PCDHGB1: variants seen among roughly 807,000 people sequenced by gnomAD.
PCDHGB1 encodes protocadherin gamma-B1.
Under a neutral mutation model 56.6 loss-of-function variants are expected in PCDHGB1, and 34 were observed. That is an observed-to-expected ratio of 0.60 (90% CI 0.46 to 0.80). The LOEUF is 0.80. Ranked by LOEUF, PCDHGB1 falls within the 30% of genes least tolerant of loss-of-function variation. PCDHGB1 has a pLI of 0.00. For synonymous variants in PCDHGB1, 561 were observed against 505.9 expected, an observed-to-expected ratio of 1.11 and a Z score of -1.46; for missense variants, 1,278 against 1,204.6, an observed-to-expected ratio of 1.06 and a Z score of -0.90.
chr5:141,495,469 C>G (rs1398171981), intron 2 of PCDHGB1, among the ~76,000 whole-genome samples: 1 of 152,220 alleles, frequency 6.6e-6, no homozygotes, highest in Non-Finnish European at 1.5e-5. Flanking sequence ...TGTGGGGTCT[C>G]CGTGTCTCTG....
intron 3 of PCDHGB1, among the ~76,000 whole-genome samples, chr5:141,510,373 T>TC (rs112437269): frequency 0.25 from 37,727 of 151,394 alleles, 4,765 homozygotes; most frequent in Admixed American, 0.33. Context: ...GAATCTCTAC[T>TC]CGTGCCAGGC....
At chr5:141,367,576 C>T (rs1435052087) in intron 1 of PCDHGB1, 1 of 138,304 alleles carries the variant, frequency 7.2e-6, no homozygotes, top group African/African-American at 2.7e-5. Context: ...AAATAAATAT[C>T]AGAAAAGTAG....
chr5:141,377,926 T>C (rs1194396438), intron 1 of PCDHGB1: 1 of 152,186 alleles, frequency 6.6e-6, no homozygotes, highest in Non-Finnish European at 1.5e-5. Flanking sequence ...AATCCACCTG[T>C]AACTGCTGCT....
At chr5:141,404,023 A>G in intron 1 of PCDHGB1, 1 of 1,613,874 alleles carries the variant, frequency 6.2e-7, no homozygotes, top group South Asian at 1.1e-5. Context: ...GCCCAGTGAG[A>G]GAAGACGCAC....
At chr5:141,400,154 T>G in intron 1 of PCDHGB1, 1 of 1,614,076 alleles carries the variant, frequency 6.2e-7, no homozygotes, top group Non-Finnish European at 8.5e-7. Context: ...GACCGCCCTG[T>G]ACCCTCTGAC....
intron 1 of PCDHGB1, chr5:141,413,855 C>A: frequency 3.7e-6 from 6 of 1,613,324 alleles, no homozygotes; most frequent in Non-Finnish European, 5.1e-6. Flanking sequence ...CCTCTCCGAT[C>A]TGGCACTGTC....
At chr5:141,357,135 C>T in intron 1 of PCDHGB1, 2 of 1,613,502 alleles carry the variant, frequency 1.2e-6, no homozygotes. Flanking sequence ...TTGTAGTGGT[C>T]GTCCAGGACC....
At position 141,486,478 on chromosome 5, in the gene PCDHGB1, C is replaced by T; in HGVS notation, c.2410-8329C>T. The T allele has an allele frequency of 2.5e-6, 4 of 1,614,026 alleles. No homozygotes were observed. The highest frequency in any genetic ancestry group is 3.4e-6 in the Non-Finnish European group (4 of 1,179,854). On this transcript the variant is annotated intron_variant, in intron 1 of 3. Transcript: ENST00000523390. The surrounding 1 kb of genome is among the most constrained non-coding windows in gnomAD (Gnocchi z 5.0). ...CTTCTGATGCTGGGAACCCTCCTCT[C>T]AGTACCCACAGAACTATTTTCCTCA...
Position 141,491,215 on chromosome 5 carries a change from A to G in PCDHGB1, c.2410-3592A>G, listed in dbSNP as rs546893944. 2.5e-6 allele frequency: 4 copies of G among 1,614,196 alleles called. No individual in the cohort carries two copies. Among genetic ancestry groups the G allele is most frequent in the Non-Finnish European group, 3.4e-6 (4 of 1,180,036 alleles). On this transcript the variant is annotated intron_variant, in intron 1 of 3. Coordinates refer to ENST00000523390, the MANE Select transcript of PCDHGB1 (RefSeq NM_018922.3). This position sits in a 1 kb window ranked among gnomAD's most constrained non-coding sequence, Gnocchi z 6.9. ...CAATGGTGACCCTTCACTCTCCTCC[A>G]CAGCCACAGTGCTGCTGGTTCTGGA...
chr5:141,500,182 A>ATTTT lies in PCDHGB1; in HGVS notation c.2469-5209_2469-5206dup, dbSNP rs1199992745. Among the ~76,000 whole-genome samples the ATTTT allele has an allele frequency of 1.7e-3, 223 of 131,716 alleles. 2 individuals are homozygous for ATTTT. Among genetic ancestry groups the ATTTT allele is most frequent in the African/African-American group, 6.2e-3 (201 of 32,350 alleles). The allele number at this position is 131,716 out of a possible 152,430, so 86.4% of individuals were successfully genotyped here. On this transcript the variant is annotated intron_variant, in intron 2 of 3. Transcript: ENST00000523390. ...AAGAACATGCATGAGCTTCATTTTT[A>ATTTT]TTTTTATTTATTTATTTATTTATTT...
At chr5:141,482,074 A>G (rs1349748840) in intron 1 of PCDHGB1, among the ~76,000 whole-genome samples, 2 of 142,830 alleles carry the variant, frequency 1.4e-5, no homozygotes, top group Non-Finnish European at 3.0e-5. Context: ...AACAAGAACA[A>G]AACTCACTCC....
rs2099725414 is a variant in PCDHGB1, at chr5:141,491,703, GA to G, written c.2410-3103del. On this transcript the variant is annotated intron_variant, in intron 1 of 3. Coordinates refer to ENST00000523390, the MANE Select transcript of PCDHGB1 (RefSeq NM_018922.3). The surrounding 1 kb of genome is among the most constrained non-coding windows in gnomAD (Gnocchi z 6.9). ...ATACGCTGCGGGAGCGGAGCCAGGT[GA>G]GGGGCTCGGCGCCGCCCCGGGCGAC... is the stretch of plus-strand genomic sequence containing the variant. The G allele has an allele frequency of 3.7e-6, 6 of 1,611,396 alleles. No homozygotes were observed.
chr5:141,393,481 C>T, intron 1 of PCDHGB1: 1 of 1,614,066 alleles, frequency 6.2e-7, no homozygotes. Context: ...CCGCCTCGCT[C>T]TAGCACAGTG....
At position 141,351,956 on chromosome 5, in the gene PCDHGB1, G is replaced by T. The variant is rs970182422; in HGVS notation, c.1696G>T (p.Asp566Tyr). 10 of 1,612,876 alleles carry T rather than the reference G, an allele frequency of 6.2e-6. No homozygotes were observed. The East Asian group carries it at 2.0e-4, about 32-fold the overall frequency. Reference sequence around the variant, plus strand: ...GGTGCTGTACCCCGCGCTGGGGCCTGATGGCTCCGCCCTCTTCGATATGGT... The same window carrying T: ...GGTGCTGTACCCCGCGCTGGGGCCTTATGGCTCCGCCCTCTTCGATATGGT... ...PRVLYPALGPDGSALFDMVPR... is the reference protein window; with the variant it reads ...PRVLYPALGPYGSALFDMVPR... Residue 566 changes from aspartate to tyrosine, a missense_variant, in exon 1 of 4, where the codon GAT (aspartate) becomes TAT (tyrosine). Asp to Tyr is a radical substitution (Grantham distance 160). Coordinates refer to ENST00000523390, the MANE Select transcript of PCDHGB1 (RefSeq NM_018922.3).
chr5:141,506,294 C>T (rs1165174121), intron 3 of PCDHGB1, among the ~76,000 whole-genome samples: 1 of 151,888 alleles, frequency 6.6e-6, no homozygotes, highest in African/African-American at 2.4e-5. Context: ...ACTAAAAATA[C>T]AAAAATTAGC....
chr5:141,355,667 A>T, intron 1 of PCDHGB1: 1 of 1,614,018 alleles, frequency 6.2e-7, no homozygotes, highest in Non-Finnish European at 8.5e-7. Context: ...CCTCTTCCTG[A>T]AGCTTTTGAT....
In PCDHGB1 at chr5:141,491,737, G is replaced by A; in HGVS notation, c.2410-3070G>A. The A allele has an allele frequency of 6.2e-7, 1 of 1,600,586 alleles. No homozygotes were observed. Among genetic ancestry groups the A allele is most frequent in the Non-Finnish European group, 8.5e-7 (1 of 1,174,266 alleles). On this transcript the variant is annotated intron_variant, in intron 1 of 3. Coordinates refer to ENST00000523390, the MANE Select transcript of PCDHGB1 (RefSeq NM_018922.3). This position sits in a 1 kb window ranked among gnomAD's most constrained non-coding sequence, Gnocchi z 6.9. ...GGCGCCGCCCCGGGCGACCCCTGGG[G>A]GCGGCACTGGAGAAGCCGCCCGTCC...
Position 141,485,855 on chromosome 5 carries a change from C to A in PCDHGB1, c.2410-8952C>A. ...CCCGCCGAGATCTGGCACCGCAGAG[C>A]TCCGGGTATCCGTGCTGGACGTAAA... On this transcript the variant is annotated intron_variant, in intron 1 of 3. Transcript: ENST00000523390. The surrounding 1 kb of genome is among the most constrained non-coding windows in gnomAD (Gnocchi z 5.7). 6.2e-7 allele frequency: 1 copy of A among 1,614,196 alleles called. No homozygotes were observed. Among genetic ancestry groups the A allele is most frequent in the Non-Finnish European group, 8.5e-7 (1 of 1,180,036 alleles).
chr5:141,392,779 T>C (rs757880986), intron 1 of PCDHGB1: 1 of 1,534,720 alleles, frequency 6.5e-7, no homozygotes, highest in African/African-American at 1.4e-5. Context: ...TTATGCACAG[T>C]GAAGATTCTG....
Sources: allele counts gnomAD v4.1 joint callset (sites outside exome capture counted in the v4.1 genomes callset), GRCh38; gene constraint gnomAD v4.1.1; non-coding constraint Gnocchi (gnomAD v3.1); transcripts MANE v1.5; gene names NCBI Gene and HGNC (gene_info 2026-07-23, HGNC 2026-07-21).